Variants in ABCA9 observed in about 807,000 individuals in gnomAD.
The protein encoded by ABCA9 is ATP-binding cassette sub-family A member 9.
Under a neutral mutation model 205.3 loss-of-function variants are expected in ABCA9, and 183 were observed. The observed-to-expected ratio is 0.89, with a 90% CI of 0.79 to 1.01. The LOEUF (loss-of-function observed/expected upper bound fraction) is 1.01. ABCA9 is among the 50% of genes least tolerant of loss of function. The pLI is 0.00. For missense variants in ABCA9, 1,805 were observed against 1,912.4 expected (o/e 0.94, Z 1.05); for synonymous variants, 651 against 683.3 (o/e 0.95, Z 0.74).
intron 37 of ABCA9, among the ~76,000 whole-genome samples, chr17:68,982,073 G>C (rs552127996): frequency 6.6e-6 from 1 of 152,092 alleles, no homozygotes; most frequent in Admixed American, 6.6e-5. Flanking sequence ...ACAGAGACAG[G>C]AACCTCCTTA....
At chr17:69,029,820 ACTT>A (rs2071102205) in intron 10 of ABCA9, among the ~76,000 whole-genome samples, 2 of 152,216 alleles carry the variant, frequency 1.3e-5, no homozygotes, top group African/African-American at 4.8e-5. Flanking sequence ...AACCTAGTAA[ACTT>A]CCAAAGAAGA....
intron 1 of ABCA9, among the ~76,000 whole-genome samples, chr17:69,056,328 G>T (rs554209689): frequency 6.6e-6 from 1 of 151,980 alleles, no homozygotes; most frequent in South Asian, 2.1e-4. Context: ...AATGAAAGAG[G>T]GGGCATCACT....
chr17:68,989,917 A>G lies in ABCA9; in HGVS notation c.3851T>C (p.Ile1284Thr), dbSNP rs1229245689. The change falls in exon 30 of 39, where the codon ATT becomes ACT. Residue 1284 changes from isoleucine (I) to threonine (T), a missense_variant. Coordinates refer to ENST00000340001, the MANE Select transcript of ABCA9 (RefSeq NM_080283.4). ...VRDFDETPVI[I>T]ASCLRKEYAG... ...ATATTCCTTCCGTAGACAGCTGGCA[A>G]TGATGACGGGTGTCTGTAAAGACAA... is the stretch of plus-strand genomic sequence containing the variant. The G allele has an allele frequency of 5.6e-6, 9 of 1,610,590 alleles. No homozygotes were observed. Among genetic ancestry groups the G allele is most frequent in the Non-Finnish European group, 5.9e-6 (7 of 1,178,412 alleles).
At chr17:69,074,949 T>TA in the ABCA9 span, among the ~76,000 whole-genome samples, 1 of 152,168 alleles carries the variant, frequency 6.6e-6, no homozygotes, top group Admixed American at 6.5e-5. Flanking sequence ...TTCTGTCTGG[T>TA]ATAATAAGGT....
At chr17:69,047,039 G>A (rs1451587528) in intron 3 of ABCA9, among the ~76,000 whole-genome samples, 1 of 150,944 alleles carries the variant, frequency 6.6e-6, no homozygotes, top group East Asian at 2.0e-4. Context: ...TCGGCTCACT[G>A]CAACCTTCAC....
chr17:69,043,423 G>A, intron 6 of ABCA9, 66 bp downstream of exon 6: 1 of 1,351,776 alleles, frequency 7.4e-7, no homozygotes, highest in Non-Finnish European at 1.0e-6. Context: ...CCTGGTCTAA[G>A]GAGTCAACCA....
chr17:69,025,986 GA>G (rs958464234), intron 16 of ABCA9, among the ~76,000 whole-genome samples: 3 of 151,418 alleles, frequency 2.0e-5, no homozygotes, highest in African/African-American at 2.4e-5. Context: ...ATCAGTAAGA[GA>G]AAAAAACCAC....
Position 69,027,118 on chromosome 17 carries a change from G to T in ABCA9, c.1912-4C>A. 1.2e-6 allele frequency: 2 copies of T among 1,613,712 alleles called. No individual in the cohort carries two copies. The highest frequency in any genetic ancestry group is 8.5e-7 in the Non-Finnish European group (1 of 1,179,946). On this transcript the variant is annotated splice_polypyrimidine_tract_variant and splice_region_variant and intron_variant, in intron 14 of 38. Transcript: ENST00000340001. The stretch of plus-strand genomic sequence containing the variant: ...TCGGTTCATCCAATAGCAAAACCTG[G>T]ACAGGAGGAAAGTCCTAAAGTAATT...
At chr17:69,059,974 G>A (rs2072188583) in intron 1 of ABCA9, among the ~76,000 whole-genome samples, 1 of 152,096 alleles carries the variant, frequency 6.6e-6, no homozygotes, top group Admixed American at 6.5e-5. Flanking sequence ...GAAATCAAGC[G>A]GTGATAAACC....
At chr17:69,040,831 A>G (rs1393184490) in intron 6 of ABCA9, among the ~76,000 whole-genome samples, 1 of 151,772 alleles carries the variant, frequency 6.6e-6, no homozygotes, top group Non-Finnish European at 1.5e-5. Flanking sequence ...ACATACCCAC[A>G]GGACACAGAT....
chr17:69,002,592 T>C (rs912312558), intron 25 of ABCA9, among the ~76,000 whole-genome samples: 1 of 152,212 alleles, frequency 6.6e-6, no homozygotes, highest in Non-Finnish European at 1.5e-5. Flanking sequence ...AAATGTATTC[T>C]GTTGATTTGG....
rs764737421 is a variant in ABCA9, at chr17:68,989,925, G to A, written c.3843C>T (p.Pro1281=). 2.6e-5 allele frequency: 42 copies of A among 1,606,286 alleles called. No homozygotes were observed. The highest frequency in any genetic ancestry group is 1.7e-4 in the Middle Eastern group (1 of 6,040). The change falls in exon 30 of 39, where the codon CCC becomes CCT. Residue 1281 remains proline (P), a synonymous_variant. Transcript: ENST00000340001. ...AMAVRDFDET[P]VIIASCLRKE... ...TCCGTAGACAGCTGGCAATGATGAC[G>A]GGTGTCTGTAAAGACAAGTAAATAA...
At chr17:69,009,128 G>A (rs1354641155) in intron 23 of ABCA9, among the ~76,000 whole-genome samples, 1 of 152,070 alleles carries the variant, frequency 6.6e-6, no homozygotes, top group Non-Finnish European at 1.5e-5. Context: ...TATTGGTCAC[G>A]GGGCACTTAT....
Position 69,045,237 on chromosome 17 carries a change from G to A in ABCA9, c.404C>T (p.Ser135Phe), listed in dbSNP as rs1351725144. ...AVRVIFTDTF[S>F]YHLKFSWGHR... ...TCCCCAAGAAAACTTCAAATGGTAG[G>A]AGAAGGTATCAGTAAAGATGACTCT... Residue 135 changes from serine to phenylalanine, a missense_variant, in exon 4 of 39, where the codon TCC becomes TTC. Coordinates refer to ENST00000340001, the MANE Select transcript of ABCA9 (RefSeq NM_080283.4). The A allele has an allele frequency of 6.2e-7, 1 of 1,613,160 alleles. No homozygotes were observed.
rs959051547 is a variant in ABCA9, at chr17:68,975,964, T to C, written c.4826A>G (p.Asp1609Gly). ...TTTCCACTTCACCGAGGGATCAAAG[T>C]CCTCTTCAAGATCACCCAGCTCCTG... ...KEQELGDLEE[D>G]FDPSVKWKLL... is the part of the protein sequence containing the mutation. Residue 1609 changes from aspartate (D) to glycine (G), a missense_variant, in exon 39 of 39, where the codon GAC becomes GGC. Coordinates refer to ENST00000340001, the MANE Select transcript of ABCA9 (RefSeq NM_080283.4). 46 of 1,613,624 alleles carry C rather than the reference T, an allele frequency of 2.9e-5. No homozygotes were observed. The highest frequency in any genetic ancestry group is 3.7e-5 in the Non-Finnish European group (44 of 1,179,876).
chr17:69,005,593 G>T (rs552638024), intron 25 of ABCA9, among the ~76,000 whole-genome samples: 2 of 152,334 alleles, frequency 1.3e-5, no homozygotes, highest in African/African-American at 4.8e-5. Flanking sequence ...CTTAGGAAAA[G>T]CTCCGTATCA....
intron 37 of ABCA9, among the ~76,000 whole-genome samples, chr17:68,979,196 G>A: frequency 6.6e-6 from 1 of 152,040 alleles, no homozygotes; most frequent in Non-Finnish European, 1.5e-5. Flanking sequence ...GCTTCAAATA[G>A]AATAAAATAC....
Position 69,033,741 on chromosome 17 carries a change from C to A in ABCA9, c.1261G>T (p.Asp421Tyr). The A allele has an allele frequency of 1.2e-6, 2 of 1,606,124 alleles. No homozygotes were observed. Among genetic ancestry groups the A allele is most frequent in the South Asian group, 2.3e-5 (2 of 88,620 alleles). Reference sequence around the variant, plus strand: ...TAGTACTTACCGGGCAAAATTTTGTCAAAATATAATGTCAATACCAAATAC... The same window carrying A: ...TAGTACTTACCGGGCAAAATTTTGTAAAAATATAATGTCAATACCAAATAC... ...LLYLVLTLYF[D>Y]KILPAEYGHR... The change falls in exon 9 of 39, where the codon GAC becomes TAC. Residue 421 changes from aspartate to tyrosine, a missense_variant. By Grantham distance (160) the Asp-to-Tyr change is radical. Coordinates refer to ENST00000340001, the MANE Select transcript of ABCA9 (RefSeq NM_080283.4).
chr17:68,996,777 G>T (rs956134730), intron 25 of ABCA9, among the ~76,000 whole-genome samples: 1 of 152,016 alleles, frequency 6.6e-6, no homozygotes, highest in African/African-American at 2.4e-5. Flanking sequence ...TGGGTAATTT[G>T]TCCCTCTTGT....
Sources: gnomAD v4.1 joint callset for allele counts (sites outside exome capture counted in the v4.1 genomes callset) on GRCh38, gnomAD v4.1.1 for gene constraint, MANE v1.5 for transcripts, NCBI Gene and HGNC (gene_info 2026-07-23, HGNC 2026-07-21) for gene names.